BMPER: variants seen among roughly 807,000 people sequenced by gnomAD.
BMPER encodes the protein BMP-binding endothelial regulator protein.
A neutral mutation model predicts 87.3 loss-of-function variants in BMPER; 45 were observed. The observed-to-expected ratio is 0.52, with a 90% confidence interval of 0.41 to 0.66. The LOEUF is 0.66. Ranked by LOEUF, BMPER falls within the 30% of genes least tolerant of loss-of-function variation. BMPER has a pLI of 0.00. For missense variants in BMPER, 784 were observed against 867.5 expected, an observed-to-expected ratio of 0.90 and a Z score of 1.21; for synonymous variants, 326 against 316.2, an observed-to-expected ratio of 1.03 and a Z score of -0.33.
chr7:34,001,802 A>G (rs961426660), intron 6 of BMPER, among the ~76,000 whole-genome samples: 1 of 151,672 alleles, frequency 6.6e-6, no homozygotes, highest in Non-Finnish European at 1.5e-5. Context: ...TTTTTAAAAT[A>G]TAAGTGTTTA....
chr7:33,956,621 C>G (rs546730379), intron 3 of BMPER, among the ~76,000 whole-genome samples: 1 of 152,098 alleles, frequency 6.6e-6, no homozygotes, highest in Non-Finnish European at 1.5e-5. Flanking sequence ...GACAGCAAGA[C>G]CAACCACTCC....
intron 3 of BMPER, 48 bp from the exon 4 acceptor site, chr7:33,966,431 C>A: frequency 6.6e-7 from 1 of 1,506,494 alleles, no homozygotes; most frequent in Non-Finnish European, 9.2e-7. Context: ...TAAAGGAAAC[C>A]CATACCCATT....
chr7:34,046,248 G>T lies in BMPER; in HGVS notation c.577-58G>T, dbSNP rs1383689032. 4.6e-6 allele frequency: 7 copies of T among 1,520,254 alleles called. No homozygotes were observed. In the African/African-American group the frequency reaches 6.9e-5, roughly 15 times the overall value. The allele number at this position is 1,520,254 out of a possible 1,614,324, so 94.2% of individuals were successfully genotyped here. A position where few individuals can be genotyped will look rare whatever the true frequency, so the allele number is the denominator to read the frequency against. On this transcript the variant is annotated intron_variant, in intron 6 of 14. Transcript: ENST00000649409. ...TAGGTTTGTTCTAGATATCTTGGTT[G>T]TACAATCTACATGCACTTACTTTTC...
At chr7:34,146,651 G>A (rs1337974404) in intron 14 of BMPER, among the ~76,000 whole-genome samples, 2 of 152,014 alleles carry the variant, frequency 1.3e-5, no homozygotes, top group Non-Finnish European at 2.9e-5. Context: ...TTTACTCAGA[G>A]GGTCATTGAG....
chr7:33,981,364 G>A (rs375673625), intron 6 of BMPER, among the ~76,000 whole-genome samples: 4 of 151,880 alleles, frequency 2.6e-5, no homozygotes, highest in South Asian at 2.1e-4. Context: ...CCTTCCCATC[G>A]CTCCTATACC....
intron 5 of BMPER, among the ~76,000 whole-genome samples, chr7:33,973,715 G>T (rs1055031890): frequency 6.6e-6 from 1 of 152,186 alleles, no homozygotes; most frequent in Non-Finnish European, 1.5e-5. Flanking sequence ...GCTAAGTTTT[G>T]CCCACTGCTA....
rs1785881279 is a variant in BMPER, at chr7:33,982,151, C to T, written c.576+7367C>T. ...ATCATTTCTGTGGTCACGTGGTGCC[C>T]AACTGTGCTGTTTCTCCTTTGACAT... On this transcript the variant is annotated intron_variant, in intron 6 of 14. Coordinates refer to ENST00000649409, the MANE Select transcript of BMPER (RefSeq NM_001365308.1). Among the ~76,000 whole-genome samples, 3 of 152,194 alleles carry T rather than the reference C, an allele frequency of 2.0e-5. No homozygotes were observed. In the South Asian group the frequency reaches 6.2e-4, roughly 32 times the overall value.
chr7:34,127,881 CA>C (rs1790446237), intron 13 of BMPER, among the ~76,000 whole-genome samples: 1 of 152,210 alleles, frequency 6.6e-6, no homozygotes, highest in South Asian at 2.1e-4. Flanking sequence ...TTAATCCCTA[CA>C]TAACTTCTTT....
intron 13 of BMPER, among the ~76,000 whole-genome samples, chr7:34,095,900 G>A (rs957775784): frequency 1.3e-4 from 19 of 151,994 alleles, no homozygotes; most frequent in African/African-American, 4.6e-4. Context: ...GTGGCCATTG[G>A]CAAAGGATCT....
At chr7:33,921,351 A>G (rs1756402846) in intron 2 of BMPER, among the ~76,000 whole-genome samples, 1 of 152,212 alleles carries the variant, frequency 6.6e-6, no homozygotes, top group Non-Finnish European at 1.5e-5. Flanking sequence ...TTAAGAAACC[A>G]GTTTCATAGT....
intron 4 of BMPER, among the ~76,000 whole-genome samples, chr7:33,969,341 A>G (rs192571964): frequency 1.1e-3 from 166 of 152,342 alleles, no homozygotes; most frequent in Non-Finnish European, 1.8e-3. Flanking sequence ...AAATATTTCA[A>G]TTGACATTAA....
At chr7:33,998,824 A>G (rs1487640410) in intron 6 of BMPER, among the ~76,000 whole-genome samples, 1 of 152,242 alleles carries the variant, frequency 6.6e-6, no homozygotes, top group South Asian at 2.1e-4. Context: ...CCTGCTCATC[A>G]GAGGAGAGGC....
Position 33,990,424 on chromosome 7 carries a change from G to A in BMPER, c.576+15640G>A, listed in dbSNP as rs1307510660. 7.2e-5 allele frequency among the ~76,000 whole-genome samples: 10 copies of A among 138,398 alleles called. 1 individual carries two copies. In the South Asian group the frequency reaches 1.4e-3, roughly 20 times the overall value. The allele number at this position is 138,398 out of a possible 152,430, so 90.8% of individuals were successfully genotyped here. On this transcript the variant is annotated intron_variant, in intron 6 of 14. Coordinates refer to ENST00000649409, the MANE Select transcript of BMPER (RefSeq NM_001365308.1). ...TGATTTGGCTCTCTGTTTGTCTGTT[G>A]TTGGTGTGTAAGAATGCTTGTGATT...
At chr7:34,034,409 G>T (rs1246857689) in intron 6 of BMPER, among the ~76,000 whole-genome samples, 6 of 152,124 alleles carry the variant, frequency 3.9e-5, no homozygotes, top group Admixed American at 2.6e-4. Context: ...CCACTTTCCT[G>T]AGCCGGAAAA....
intron 1 of BMPER, among the ~76,000 whole-genome samples, chr7:33,906,295 A>G (rs1738864448): frequency 6.6e-6 from 1 of 152,206 alleles, no homozygotes; most frequent in Non-Finnish European, 1.5e-5. Flanking sequence ...GCAGAAAAGA[A>G]AATATGGAGT....
chr7:33,927,212 G>A (rs1279599224), intron 2 of BMPER, among the ~76,000 whole-genome samples: 6 of 152,218 alleles, frequency 3.9e-5, no homozygotes, highest in African/African-American at 9.7e-5. Flanking sequence ...CCAACAGCAC[G>A]TGGGCTTTCA....
chr7:34,046,166 G>A (rs1002955137), intron 6 of BMPER, 140 bp from the exon 7 acceptor site: 10 of 806,912 alleles, frequency 1.2e-5, no homozygotes, highest in South Asian at 2.9e-5. Context: ...GGACGCTTGG[G>A]GAAAATCACA....
At chr7:33,929,098 A>G (rs1442508802) in intron 2 of BMPER, among the ~76,000 whole-genome samples, 3 of 152,178 alleles carry the variant, frequency 2.0e-5, no homozygotes, top group Admixed American at 6.5e-5. Flanking sequence ...TCGGGCTTCA[A>G]GGGCAGCTTT....
In BMPER at chr7:33,953,713, T is replaced by G. The variant is rs571665437; in HGVS notation, c.320-12766T>G. The stretch of plus-strand genomic sequence containing the variant: ...TTTGATGGCATTAAGTACATTCACA[T>G]TGTTGAGCAACCATTACCACTATCT... On this transcript the variant is annotated intron_variant, in intron 3 of 14. Transcript: ENST00000649409. 6.6e-5 allele frequency among the ~76,000 whole-genome samples: 10 copies of G among 152,324 alleles called. No individual in the cohort carries two copies. In the South Asian group the frequency reaches 2.1e-3, roughly 32 times the overall value.
Sources: allele counts gnomAD v4.1 joint callset (sites outside exome capture counted in the v4.1 genomes callset), GRCh38; gene constraint gnomAD v4.1.1; transcripts MANE v1.5; gene names NCBI Gene and HGNC (gene_info 2026-07-23, HGNC 2026-07-21).